ITGBL1: variants seen among roughly 807,000 people sequenced by gnomAD.
ITGBL1 encodes the protein integrin beta-like protein 1.
Under a neutral mutation model 68.5 loss-of-function variants are expected in ITGBL1, and 51 were observed. That is an observed-to-expected ratio of 0.74 (90% CI 0.59 to 0.94). The LOEUF (loss-of-function observed/expected upper bound fraction) is 0.94. Ranked by LOEUF, ITGBL1 falls within the 40% of genes least tolerant of loss-of-function variation. The pLI is 0.00. For missense variants in ITGBL1, 649 were observed against 647.4 expected, an observed-to-expected ratio of 1.00 and a Z score of -0.03; for synonymous variants, 209 against 227.3, an observed-to-expected ratio of 0.92 and a Z score of 0.72.
rs66501713 is a variant in ITGBL1 at position 101,671,426 on chromosome 13, G to GTTTTTTTTTTTTTT, written c.1016-21149_1016-21148insTTTTTTTTTTTTTT. 7.1e-4 allele frequency among the ~76,000 whole-genome samples: 80 copies of GTTTTTTTTTTTTTT among 112,632 alleles called. 10 individuals are homozygous for GTTTTTTTTTTTTTT. The highest frequency in any genetic ancestry group is 3.5e-3 in the East Asian group (10 of 2,846). 73.9% of individuals were successfully genotyped at this position (112,632 alleles called of 152,430 possible). A position where few individuals can be genotyped will look rare whatever the true frequency, so the allele number is the denominator to read the frequency against. On this transcript the variant is annotated intron_variant, in intron 7 of 10. Transcript: ENST00000376180. ...AGCTATTTGACAAAAGTATACCTTT[G>GTTTTTTTTTTTTTT]TTTTTTTTTTGTTTTTTTTTGTTTT...
intron 2 of ITGBL1, among the ~76,000 whole-genome samples, chr13:101,489,625 T>G (rs953552898): frequency 6.6e-6 from 1 of 152,208 alleles, no homozygotes; most frequent in Non-Finnish European, 1.5e-5. Context: ...ATTAGTTTTC[T>G]GAAAAGAGTG....
chr13:101,542,791 A>G (rs2049734745), intron 2 of ITGBL1, among the ~76,000 whole-genome samples: 1 of 152,070 alleles, frequency 6.6e-6, no homozygotes, highest in South Asian at 2.1e-4. Flanking sequence ...TGTTGAACTG[A>G]TCCCTTTACT....
intron 2 of ITGBL1, among the ~76,000 whole-genome samples, chr13:101,475,541 C>A (rs1277010327): frequency 6.6e-6 from 1 of 151,922 alleles, no homozygotes; most frequent in Non-Finnish European, 1.5e-5. Context: ...ATTTCCAAAC[C>A]TAGAGAAATA....
chr13:101,605,961 C>T (rs1194416994), intron 7 of ITGBL1, among the ~76,000 whole-genome samples: 1 of 145,206 alleles, frequency 6.9e-6, no homozygotes. Flanking sequence ...TACACATATA[C>T]ACATATATAT....
intron 2 of ITGBL1, among the ~76,000 whole-genome samples, chr13:101,507,033 G>A (rs2049036765): frequency 6.6e-6 from 1 of 152,146 alleles, no homozygotes. Flanking sequence ...GAAAAACCTG[G>A]TTGCTGAGGT....
intron 2 of ITGBL1, among the ~76,000 whole-genome samples, chr13:101,556,644 TAGA>T (rs1352826068): frequency 2.0e-5 from 3 of 149,218 alleles, no homozygotes; most frequent in Non-Finnish European, 3.0e-5. Context: ...AAAAAAAAAG[TAGA>T]AGAAGAAAAG....
intron 7 of ITGBL1, among the ~76,000 whole-genome samples, chr13:101,634,605 T>G (rs544177821): frequency 6.6e-6 from 1 of 152,296 alleles, no homozygotes; most frequent in South Asian, 2.1e-4. Context: ...TTCTTAAACA[T>G]TTCATTCATT....
chr13:101,472,357 T>A (rs1051076563), intron 2 of ITGBL1, among the ~76,000 whole-genome samples: 6 of 152,224 alleles, frequency 3.9e-5, no homozygotes, highest in African/African-American at 1.4e-4. Flanking sequence ...AGTAGTTGTC[T>A]GTTTTTATAT....
chr13:101,599,128 C>T (rs2030187348), intron 7 of ITGBL1, among the ~76,000 whole-genome samples: 1 of 152,042 alleles, frequency 6.6e-6, no homozygotes, highest in Non-Finnish European at 1.5e-5. Context: ...GATTGCCATT[C>T]TAACTGGTGT....
At chr13:101,665,831 C>A (rs1052839254) in intron 7 of ITGBL1, among the ~76,000 whole-genome samples, 24 of 152,082 alleles carry the variant, frequency 1.6e-4, no homozygotes, top group Admixed American at 6.5e-5. Flanking sequence ...TAAGAGACTG[C>A]CAAAACCACA....
At chr13:101,453,089 C>T (rs1324541137) in intron 1 of ITGBL1, among the ~76,000 whole-genome samples, 158 bp downstream of exon 1, 2 of 152,166 alleles carry the variant, frequency 1.3e-5, no homozygotes, top group East Asian at 1.9e-4. Flanking sequence ...ATATCTACAG[C>T]GTGTATTGCC....
chr13:101,637,034 T>C (rs1022520695), intron 7 of ITGBL1, among the ~76,000 whole-genome samples: 2 of 152,182 alleles, frequency 1.3e-5, no homozygotes, highest in Admixed American at 1.3e-4. Context: ...GAAAATTCTA[T>C]GGGTATTCAT....
At chr13:101,625,601 G>A (rs2031742521) in intron 7 of ITGBL1, among the ~76,000 whole-genome samples, 1 of 151,346 alleles carries the variant, frequency 6.6e-6, no homozygotes, top group Admixed American at 6.6e-5. Context: ...TGCCCAGGCT[G>A]GAGTACAATT....
At chr13:101,465,188 C>A (rs1187109919) in intron 2 of ITGBL1, among the ~76,000 whole-genome samples, 2 of 151,954 alleles carry the variant, frequency 1.3e-5, no homozygotes, top group East Asian at 3.8e-4. Flanking sequence ...AAAACAGCTT[C>A]TTTTCTTTTT....
chr13:101,707,479 G>T (rs975306420), intron 9 of ITGBL1, among the ~76,000 whole-genome samples: 2 of 152,118 alleles, frequency 1.3e-5, no homozygotes, highest in African/African-American at 4.8e-5. Context: ...AAGTCTGATG[G>T]AATTTTCTTT....
intron 2 of ITGBL1, among the ~76,000 whole-genome samples, chr13:101,504,754 T>G (rs1292533323): frequency 6.6e-6 from 1 of 152,222 alleles, no homozygotes; most frequent in African/African-American, 2.4e-5. Context: ...AAATGATAGC[T>G]GGCTGGCTGA....
At chr13:101,564,456 C>T (rs1261884443) in intron 2 of ITGBL1, among the ~76,000 whole-genome samples, 2 of 151,480 alleles carry the variant, frequency 1.3e-5, no homozygotes, top group East Asian at 1.9e-4. Flanking sequence ...TTGCAAATTA[C>T]ATTTGTGACA....
intron 2 of ITGBL1, among the ~76,000 whole-genome samples, chr13:101,545,285 T>C (rs988044099): frequency 1.3e-5 from 2 of 152,130 alleles, no homozygotes; most frequent in African/African-American, 4.8e-5. Context: ...CTCTAAGAAT[T>C]AACAGTGTTA....
intron 2 of ITGBL1, among the ~76,000 whole-genome samples, chr13:101,497,163 G>A (rs1453857551): frequency 1.3e-5 from 2 of 152,210 alleles, no homozygotes; most frequent in Non-Finnish European, 2.9e-5. Flanking sequence ...TTTAGAAGTA[G>A]CCTTCTGGCT....
Sources: gnomAD v4.1 joint callset for allele counts (sites outside exome capture counted in the v4.1 genomes callset) on GRCh38, gnomAD v4.1.1 for gene constraint, MANE v1.5 for transcripts, NCBI Gene and HGNC (gene_info 2026-07-23, HGNC 2026-07-21) for gene names.